Variants in COQ6 observed in about 807,000 individuals in gnomAD.
COQ6 encodes coenzyme Q6, monooxygenase.
In COQ6, 45 loss-of-function variants were observed where a neutral mutation model predicts 55.5. The observed-to-expected ratio is 0.81, with a 90% CI of 0.64 to 1.04. The LOEUF is 1.04. COQ6 is among the 50% of genes least tolerant of loss of function. The probability of loss-of-function intolerance (pLI) is 0.00; values close to 1 mark genes in which losing one functional copy is unlikely to be tolerated. For synonymous variants in COQ6, 206 were observed against 230.5 expected (o/e 0.89, Z 0.96); for missense variants, 550 against 601.3 (o/e 0.91, Z 0.89).
chr14:73,954,703 G>T (rs1428983459), intron 2 of COQ6, among the ~76,000 whole-genome samples: 3 of 151,462 alleles, frequency 2.0e-5, no homozygotes, highest in African/African-American at 7.3e-5. Flanking sequence ...AATGAGCCGG[G>T]CATGGCGGCG....
chr14:73,953,061 G>A (rs556337236), intron 1 of COQ6, among the ~76,000 whole-genome samples: 185 of 152,280 alleles, frequency 1.2e-3, no homozygotes, highest in African/African-American at 3.1e-3. Context: ...TTTTGAACAG[G>A]AGTTGTAATT....
intron 3 of COQ6, 22 bp from the exon 4 acceptor site, chr14:73,955,783 G>T: frequency 6.2e-7 from 1 of 1,614,134 alleles, no homozygotes; most frequent in South Asian, 1.1e-5. Context: ...TTTTAATGCA[G>T]ACTTTCCTTT....
intron 11 of COQ6, chr14:73,962,720 G>A: frequency 1.9e-6 from 1 of 518,488 alleles, no homozygotes; most frequent in Non-Finnish European, 3.4e-6. Context: ...AGGAGGCTGG[G>A]GAGGGAGGAT....
At chr14:73,955,685 T>A in intron 3 of COQ6, 120 bp from the exon 4 acceptor site, 1 of 1,508,472 alleles carries the variant, frequency 6.6e-7, no homozygotes, top group Non-Finnish European at 9.2e-7. Context: ...TATATTTTCC[T>A]ACCAGAGAGG....
chr14:73,961,908 G>C lies in COQ6; in HGVS notation c.1377+5G>C, dbSNP rs774180928. ...AATGCAGTGTCTCCACTCAAAGTAA[G>C]AGGTTGCTCAGAGGAATGACTTTGC... On this transcript the variant is annotated splice_donor_5th_base_variant and intron_variant, in intron 11 of 11. Coordinates refer to ENST00000334571, the MANE Select transcript of COQ6 (RefSeq NM_182476.3). 2.5e-6 allele frequency: 4 copies of C among 1,614,010 alleles called. No homozygotes were observed. Among genetic ancestry groups the C allele is most frequent in the Non-Finnish European group, 3.4e-6 (4 of 1,180,000 alleles).
intron 2 of COQ6, chr14:73,955,191 G>A (rs1594791246): frequency 2.0e-6 from 1 of 511,468 alleles, no homozygotes; most frequent in Non-Finnish European, 3.5e-6. Flanking sequence ...CTGATCTCGT[G>A]ATCCGCCCGC....
At chr14:73,960,107 T>G in intron 8 of COQ6, 1 of 999,452 alleles carries the variant, frequency 1.0e-6, no homozygotes, top group Non-Finnish European at 1.2e-6. Context: ...TTGGATTATT[T>G]TGAACAGTTC....
intron 8 of COQ6, 162 bp downstream of exon 8, chr14:73,959,684 C>T: frequency 7.4e-7 from 1 of 1,357,750 alleles, no homozygotes; most frequent in Non-Finnish European, 1.0e-6. Context: ...ATTCTCCTGC[C>T]TCAGCCTCCT....
rs1054575425 is a variant in COQ6, at chr14:73,961,775, C to G, written c.1249C>G (p.Gln417Glu). ...CCTCACAGGTTATGAAACAGAAAGACAGCGTCACAACACTGCTCTTCTGGC... is the reference window on the plus strand; with the variant it reads ...CCTCACAGGTTATGAAACAGAAAGAGAGCGTCACAACACTGCTCTTCTGGC... The part of the protein sequence containing the change: ...SHLTGYETER[Q>E]RHNTALLAAT... The change falls in exon 11 of 12, where the codon CAG becomes GAG. Residue 417 changes from glutamine (Q) to glutamate (E), a missense_variant. Gln to Glu is a conservative substitution (Grantham distance 29, BLOSUM62 2). Coordinates refer to ENST00000334571, the MANE Select transcript of COQ6 (RefSeq NM_182476.3). The G allele has an allele frequency of 6.2e-7, 1 of 1,614,194 alleles. No homozygotes were observed. The highest frequency in any genetic ancestry group is 8.5e-7 in the Non-Finnish European group (1 of 1,180,024).
At chr14:73,957,100 T>A (rs982175324) in intron 4 of COQ6, among the ~76,000 whole-genome samples, 13 of 122,330 alleles carry the variant, frequency 1.1e-4, no homozygotes, top group South Asian at 2.6e-4. Flanking sequence ...TTATTATTAT[T>A]ATTTTTTTTT....
At chr14:73,958,546 G>C (rs2056554296) in intron 5 of COQ6, 1 of 1,314,774 alleles carries the variant, frequency 7.6e-7, no homozygotes, top group African/African-American at 1.5e-5. Flanking sequence ...AATGGAGGCT[G>C]TTCTTTCCCT....
Position 73,959,190 on chromosome 14 carries a change from G to C in COQ6, c.749G>C (p.Arg250Thr). 1 of 1,614,244 alleles carries C rather than the reference G, an allele frequency of 6.2e-7. No homozygotes were observed. Among genetic ancestry groups the C allele is most frequent in the Non-Finnish European group, 8.5e-7 (1 of 1,180,054 alleles). The change falls in exon 7 of 12, where the codon AGA (arginine) becomes ACA (threonine). Residue 250 changes from arginine to threonine, a missense_variant. Transcript: ENST00000334571. ...EATENNVAWQ[R>T]FLPSGPIALL... ...ACAGAAAACAACGTAGCCTGGCAGA[G>C]ATTTCTTCCCTCTGGGCCTATTGCT...
chr14:73,955,375 G>GT, intron 2 of COQ6, 76 bp from the exon 3 acceptor site: 5 of 1,076,694 alleles, frequency 4.6e-6, no homozygotes. Flanking sequence ...AACCTCTTAC[G>GT]TAACAGGATG....
chr14:73,961,974 T>C lies in COQ6; in HGVS notation c.1377+71T>C, dbSNP rs141742064. On this transcript the variant is annotated intron_variant, in intron 11 of 11. Transcript: ENST00000334571. ...TCTTTTGCTTTTTTTTGAAACAGAG[T>C]CTTGGTCTTATCGCCCAGGATGGAG... The C allele has an allele frequency of 3.3e-4, 514 of 1,566,384 alleles. 1 individual carries two copies. In the African/African-American group the frequency reaches 5.8e-3, roughly 18 times the overall value.
At chr14:73,958,907 G>A in intron 5 of COQ6, 64 bp from the exon 6 acceptor site, 1 of 1,601,564 alleles carries the variant, frequency 6.2e-7, no homozygotes, top group Non-Finnish European at 8.5e-7. Context: ...AGGGAGCAGA[G>A]AAAAACTTCT....
chr14:73,962,998 G>A lies in COQ6; in HGVS notation c.1406G>A (p.Ter469=), dbSNP rs530209384. Residue 469 remains the stop codon, a stop_retained_variant, in exon 12 of 12, where the codon TGA becomes TAA. Transcript: ENST00000334571. ...CAGATTATGGCCTTTGCAAGCAAAT[G>A]AGTACTCCTCTCCTAAAGAAAGATT... The part of the protein sequence containing the change: ...KEQIMAFASK[*] 41 of 1,607,348 alleles carry A rather than the reference G, an allele frequency of 2.6e-5. No homozygotes were observed. The East Asian group carries it at 6.9e-4, about 27-fold the overall frequency.
intron 4 of COQ6, chr14:73,956,403 A>G (rs1193118009): frequency 6.0e-6 from 1 of 166,718 alleles, no homozygotes; most frequent in African/African-American, 2.4e-5. Context: ...TGGGTCATAT[A>G]ATAATTCTAT....
intron 2 of COQ6, 107 bp from the exon 3 acceptor site, chr14:73,955,344 T>G: frequency 1.2e-6 from 1 of 821,014 alleles, no homozygotes; most frequent in Non-Finnish European, 2.2e-6. Flanking sequence ...GTGGAGAGTA[T>G]TATTGAAGAA....
chr14:73,953,537 C>G lies in COQ6; in HGVS notation c.266C>G (p.Ser89Cys), dbSNP rs763665298. 2 of 1,614,184 alleles carry G rather than the reference C, an allele frequency of 1.2e-6. No homozygotes were observed. The highest frequency in any genetic ancestry group is 1.3e-5 in the African/African-American group (1 of 75,026). Residue 89 changes from serine to cysteine, a missense_variant, in exon 2 of 12, where the codon TCC (serine) becomes TGC (cysteine). By Grantham distance (112) the Ser-to-Cys change is moderately radical. Coordinates refer to ENST00000334571, the MANE Select transcript of COQ6 (RefSeq NM_182476.3). ...LSETYSNRVS[S>C]ISPGSATLLS... Reference sequence around the variant, plus strand: ...GAAACTTACAGCAACAGGGTCAGCTCCATTTCCCCTGGCTCTGCAACGCTT... The same window carrying G: ...GAAACTTACAGCAACAGGGTCAGCTGCATTTCCCCTGGCTCTGCAACGCTT...
Sources: allele counts gnomAD v4.1 joint callset (sites outside exome capture counted in the v4.1 genomes callset), GRCh38; gene constraint gnomAD v4.1.1; transcripts MANE v1.5; gene names NCBI Gene and HGNC (gene_info 2026-07-23, HGNC 2026-07-21).